The following MED28 variants were observed in gnomAD, a reference collection of about 807,000 sequenced individuals.
MED28 encodes mediator of RNA polymerase II transcription subunit 28.
Under a neutral mutation model 21.3 loss-of-function variants are expected in MED28, and 26 were observed. That is an observed-to-expected ratio of 1.22 (90% CI 0.89 to 1.69). The LOEUF (loss-of-function observed/expected upper bound fraction) is 1.69. Among genes scored for constraint, MED28 ranks in the 40% most tolerant of loss-of-function variants. MED28 has a pLI of 0.00. For missense variants in MED28, 257 were observed against 215.4 expected, an observed-to-expected ratio of 1.19 and a Z score of -1.21; for synonymous variants, 110 against 87.6, an observed-to-expected ratio of 1.26 and a Z score of -1.43.
At position 17,621,473 on chromosome 4, in the gene MED28, C is replaced by T. The variant is rs149519942; in HGVS notation, c.227-114C>T. 844 of 649,336 alleles carry T rather than the reference C, an allele frequency of 1.3e-3. 9 individuals are homozygous for T. The African/African-American group carries it at 0.014, about 11-fold the overall frequency. 40.2% of individuals were successfully genotyped at this position (649,336 alleles called of 1,614,324 possible). On this transcript the variant is annotated intron_variant, in intron 2 of 3. Transcript: ENST00000237380. Reference sequence around the variant, plus strand: ...TACTGCTGTGGCCAAGATTAAAATCCCTGAGTTGTCTATGAGAGGGCTTTG... The same window carrying T: ...TACTGCTGTGGCCAAGATTAAAATCTCTGAGTTGTCTATGAGAGGGCTTTG...
chr4:17,617,584 GCT>G (rs1714487696), intron 1 of MED28, among the ~76,000 whole-genome samples: 1 of 152,212 alleles, frequency 6.6e-6, no homozygotes. Flanking sequence ...CCAGGCAAAG[GCT>G]CTGTTTTAGC....
chr4:17,621,444 T>C (rs1714627610), intron 2 of MED28, 143 bp from the exon 3 acceptor site: 1 of 547,782 alleles, frequency 1.8e-6, no homozygotes, highest in South Asian at 2.9e-5. Flanking sequence ...TTGGGGGTTA[T>C]GATTACTGCT....
rs1715039855 is a variant in MED28, at chr4:17,633,853, G to C, written c.*10055G>C. On this transcript the variant is annotated 3_prime_UTR_variant, in exon 4 of 4. Transcript: ENST00000237380. ...CATAGGAGGCGAGGTTCGGCACGCT[G>C]ACCACGCGGCTGGGCACGTCCTCCA... is the stretch of plus-strand genomic sequence containing the variant. 3 of 1,551,162 alleles carry C rather than the reference G, an allele frequency of 1.9e-6. No individual in the cohort carries two copies. The highest frequency in any genetic ancestry group is 1.7e-6 in the Non-Finnish European group (2 of 1,146,836).
intron 3 of MED28, among the ~76,000 whole-genome samples, chr4:17,622,577 T>G (rs892778825): frequency 6.6e-6 from 1 of 152,244 alleles, no homozygotes; most frequent in Non-Finnish European, 1.5e-5. Context: ...GTGTGGATTT[T>G]CTTGTAAACA....
In MED28 at chr4:17,632,519, C is replaced by A; in HGVS notation, c.*8721C>A. 1 of 1,542,020 alleles carries A rather than the reference C, an allele frequency of 6.5e-7. No individual in the cohort carries two copies. The highest frequency in any genetic ancestry group is 1.4e-5 in the African/African-American group (1 of 72,888). ...TTTTCAAGTATCCTCTGTGATGTAT[C>A]CCAAAGGTTAGCTTAGAAAGAAAAG... On this transcript the variant is annotated 3_prime_UTR_variant, in exon 4 of 4. Coordinates refer to ENST00000237380, the MANE Select transcript of MED28 (RefSeq NM_025205.5).
rs1183886643 is a variant in MED28, at chr4:17,630,021, A to G, written c.*6223A>G. 6.6e-6 allele frequency: 1 copy of G among 152,186 alleles called. No homozygotes were observed. The highest frequency in any genetic ancestry group is 1.5e-5 in the Non-Finnish European group (1 of 68,022). 9.4% of individuals were successfully genotyped at this position (152,186 alleles called of 1,614,324 possible). On this transcript the variant is annotated 3_prime_UTR_variant, in exon 4 of 4. Coordinates refer to ENST00000237380, the MANE Select transcript of MED28 (RefSeq NM_025205.5). ...AAAGATATAATCATTGCAGGGTAGA[A>G]TTTAGAAATTTAAGACTGAAAGATC...
rs1715008876 is a variant in MED28 at position 17,632,977 on chromosome 4, A to C, written c.*9179A>C. ...CCCTCTGTCACCCAGGCTGGAGTGC[A>C]GTGGCATGATCTCGGCTCACTGCAA... On this transcript the variant is annotated 3_prime_UTR_variant, in exon 4 of 4. Transcript: ENST00000237380. 1 of 178,794 alleles carries C rather than the reference A, an allele frequency of 5.6e-6. No homozygotes were observed. The highest frequency in any genetic ancestry group is 2.4e-5 in the African/African-American group (1 of 42,376). The allele number at this position is 178,794 out of a possible 1,614,324, so 11.1% of individuals were successfully genotyped here.
At position 17,617,642 on chromosome 4, in the gene MED28, C is replaced by T. The variant is rs188698359; in HGVS notation, c.160-2259C>T. 1.4e-3 allele frequency among the ~76,000 whole-genome samples: 213 copies of T among 152,324 alleles called. 1 individual carries two copies. The Middle Eastern group carries it at 0.024, about 17-fold the overall frequency. Reference sequence around the variant, plus strand: ...CTCTTTCTAGGCAGATGCGGTGGCTCACGCCTGTAATCCCAGCACTTTGGG... The same window carrying T: ...CTCTTTCTAGGCAGATGCGGTGGCTTACGCCTGTAATCCCAGCACTTTGGG... On this transcript the variant is annotated intron_variant, in intron 1 of 3. Transcript: ENST00000237380.
At position 17,632,633 on chromosome 4, in the gene MED28, C is replaced by CAAAAAAA. The variant is rs56931270; in HGVS notation, c.*8836_*8842dup. The CAAAAAAA allele has an allele frequency of 6.6e-7, 1 of 1,518,610 alleles. No individual in the cohort carries two copies. The highest frequency in any genetic ancestry group is 8.9e-7 in the Non-Finnish European group (1 of 1,123,378). 94.1% of individuals were successfully genotyped at this position (1,518,610 alleles called of 1,614,324 possible). On this transcript the variant is annotated 3_prime_UTR_variant, in exon 4 of 4. Transcript: ENST00000237380. ...GTTTCACCATCTGGGGTCCTAAAAGCAAAAAAAGGTTTTTTTATATGGTTT... is the reference window on the plus strand; with the variant it reads ...GTTTCACCATCTGGGGTCCTAAAAGCAAAAAAAAAAAAAAGGTTTTTTTATATGGTTT...
At position 17,633,139 on chromosome 4, in the gene MED28, C is replaced by G. The variant is rs935239333; in HGVS notation, c.*9341C>G. ...GTTTCACCATGTTGCCCAGGCTGGT[C>G]TCGAACTCCTGACCTTAGGTGATCC... On this transcript the variant is annotated 3_prime_UTR_variant, in exon 4 of 4. Transcript: ENST00000237380. The G allele has an allele frequency of 1.3e-5, 2 of 154,512 alleles. No individual in the cohort carries two copies. The highest frequency in any genetic ancestry group is 1.9e-4 in the East Asian group (1 of 5,228). The allele number at this position is 154,512 out of a possible 1,614,324, so 9.6% of individuals were successfully genotyped here.
In MED28 at chr4:17,628,126, GCT is replaced by G. The variant is rs1370082632; in HGVS notation, c.*4332_*4333del. ...GTCTCTGAATGCCAACCCCAAAGTT[GCT>G]CTCAGGCCATGATAAAATAAACCAC... On this transcript the variant is annotated 3_prime_UTR_variant, in exon 4 of 4. Coordinates refer to ENST00000237380, the MANE Select transcript of MED28 (RefSeq NM_025205.5). 6.6e-6 allele frequency: 1 copy of G among 152,076 alleles called. No homozygotes were observed. Among genetic ancestry groups the G allele is most frequent in the African/African-American group, 2.4e-5 (1 of 41,408 alleles). 9.4% of individuals were successfully genotyped at this position (152,076 alleles called of 1,614,324 possible). A position where few individuals can be genotyped will look rare whatever the true frequency, so the allele number is the denominator to read the frequency against.
rs1715002623 is a variant in MED28 at position 17,632,851 on chromosome 4, C to G, written c.*9053C>G. On this transcript the variant is annotated 3_prime_UTR_variant, in exon 4 of 4. Transcript: ENST00000237380. The stretch of plus-strand genomic sequence containing the variant: ...AGAAGGTTCACCATTGTTTGGTTCT[C>G]CATTGTTCCTTTGAGACTTAGTGGT... 5.0e-6 allele frequency: 2 copies of G among 403,692 alleles called. No homozygotes were observed. Among genetic ancestry groups the G allele is most frequent in the Non-Finnish European group, 9.2e-6 (2 of 217,364 alleles). 25.0% of individuals were successfully genotyped at this position (403,692 alleles called of 1,614,324 possible).
Position 17,632,508 on chromosome 4 carries a change from C to G in MED28, c.*8710C>G. The G allele has an allele frequency of 6.7e-7, 1 of 1,500,882 alleles. No individual in the cohort carries two copies. The highest frequency in any genetic ancestry group is 9.1e-7 in the Non-Finnish European group (1 of 1,103,364). The allele number at this position is 1,500,882 out of a possible 1,614,324, so 93.0% of individuals were successfully genotyped here. On this transcript the variant is annotated 3_prime_UTR_variant, in exon 4 of 4. Transcript: ENST00000237380. ...AAAATAAATGTTTTTCAAGTATCCT[C>G]TGTGATGTATCCCAAAGGTTAGCTT...
chr4:17,628,574 AAT>A lies in MED28; in HGVS notation c.*4778_*4779del. 1 of 152,134 alleles carries A rather than the reference AAT, an allele frequency of 6.6e-6. No homozygotes were observed. The highest frequency in any genetic ancestry group is 2.1e-4 in the South Asian group (1 of 4,802). The allele number at this position is 152,134 out of a possible 1,614,324, so 9.4% of individuals were successfully genotyped here. On this transcript the variant is annotated 3_prime_UTR_variant, in exon 4 of 4. Coordinates refer to ENST00000237380, the MANE Select transcript of MED28 (RefSeq NM_025205.5). ...GTGATGAATAGACCCAACTTGTTCA[AAT>A]ACAGGCATTTCTGGTGGGCTTTGGC... is the stretch of plus-strand genomic sequence containing the variant.
Position 17,626,319 on chromosome 4 carries a change from C to G in MED28, c.*2521C>G, listed in dbSNP as rs1714771219. The G allele has an allele frequency of 6.6e-6, 1 of 152,368 alleles. No individual in the cohort carries two copies. The highest frequency in any genetic ancestry group is 1.5e-5 in the Non-Finnish European group (1 of 68,156). 9.4% of individuals were successfully genotyped at this position (152,368 alleles called of 1,614,324 possible). ...AGTATTCTTCAGGTGTTAGTGATTT[C>G]TGTTGTTCGGGAAGAGGAGGGTTAT... On this transcript the variant is annotated 3_prime_UTR_variant, in exon 4 of 4. Coordinates refer to ENST00000237380, the MANE Select transcript of MED28 (RefSeq NM_025205.5).
At position 17,625,763 on chromosome 4, in the gene MED28, A is replaced by G; in HGVS notation, c.*1965A>G. 2.4e-6 allele frequency: 1 copy of G among 420,450 alleles called. No individual in the cohort carries two copies. The highest frequency in any genetic ancestry group is 4.7e-6 in the Non-Finnish European group (1 of 213,956). 26.0% of individuals were successfully genotyped at this position (420,450 alleles called of 1,614,324 possible). On this transcript the variant is annotated 3_prime_UTR_variant, in exon 4 of 4. Coordinates refer to ENST00000237380, the MANE Select transcript of MED28 (RefSeq NM_025205.5). ...CTCAAGTTCCCCTAGAAACCTGTGG[A>G]ATGCCCTCTGCCAAGCACTGCTCTG...
At chr4:17,617,533 C>A (rs1714486144) in intron 1 of MED28, among the ~76,000 whole-genome samples, 1 of 152,200 alleles carries the variant, frequency 6.6e-6, no homozygotes, top group Non-Finnish European at 1.5e-5. Context: ...TGCTGAAAGC[C>A]AGCCGTTGGG....
rs199549580 is a variant in MED28, at chr4:17,632,043, ATTTTTTTT to A, written c.*8282_*8289del. The stretch of plus-strand genomic sequence containing the variant: ...TTTTAATAACACTGGTTTAATGTCA[ATTTTTTTT>A]TTTTTTTTTTTTTTTTTTTTTTTTT... On this transcript the variant is annotated 3_prime_UTR_variant, in exon 4 of 4. Transcript: ENST00000237380. 26 of 117,592 alleles carry A rather than the reference ATTTTTTTT, an allele frequency of 2.2e-4. No individual in the cohort carries two copies. Among genetic ancestry groups the A allele is most frequent in the South Asian group, 2.8e-4 (1 of 3,612 alleles). The allele number at this position is 117,592 out of a possible 1,614,324, so 7.3% of individuals were successfully genotyped here.
At chr4:17,621,320 T>C (rs2108917502) in intron 2 of MED28, among the ~76,000 whole-genome samples, 1 of 152,252 alleles carries the variant, frequency 6.6e-6, no homozygotes, top group Admixed American at 6.5e-5. Context: ...CTGCATTGTC[T>C]TTTTAAAGAA....
Sources: gnomAD v4.1 joint callset for allele counts (sites outside exome capture counted in the v4.1 genomes callset) on GRCh38, gnomAD v4.1.1 for gene constraint, MANE v1.5 for transcripts, NCBI Gene and HGNC (gene_info 2026-07-23, HGNC 2026-07-21) for gene names.